The following ALK variants were observed in gnomAD, a reference collection of about 807,000 sequenced individuals.
ALK encodes ALK receptor tyrosine kinase, also known as ALK tyrosine kinase receptor.
Under a neutral mutation model 163.1 loss-of-function variants are expected in ALK, and 74 were observed. That is an observed-to-expected ratio of 0.45 (90% CI 0.38 to 0.55). ALK has a LOEUF of 0.55. Ranked by LOEUF, ALK falls within the 20% of genes least tolerant of loss-of-function variation. The pLI is 0.00. For missense variants in ALK, 2,063 were observed against 2,105.3 expected (o/e 0.98, Z 0.39); for synonymous variants, 960 against 843.2 (o/e 1.14, Z -2.40).
intron 3 of ALK, among the ~76,000 whole-genome samples, chr2:29,589,596 G>GA (rs770719164): frequency 2.6e-4 from 40 of 152,186 alleles, no homozygotes; most frequent in Admixed American, 1.8e-3. Flanking sequence ...CACACTCAGA[G>GA]AAACCTCAAA....
chr2:29,724,050 A>G (rs1474939250), intron 1 of ALK, among the ~76,000 whole-genome samples: 1 of 152,234 alleles, frequency 6.6e-6, no homozygotes, highest in African/African-American at 2.4e-5. Flanking sequence ...GCCAATGAAC[A>G]TAATATAATA....
intron 4 of ALK, among the ~76,000 whole-genome samples, chr2:29,513,169 C>A (rs1672570290): frequency 6.8e-6 from 1 of 148,016 alleles, no homozygotes; most frequent in African/African-American, 2.6e-5. Context: ...CATACGGAAC[C>A]AAAAAAGAGC....
At chr2:29,882,228 C>A (rs901234693) in intron 1 of ALK, among the ~76,000 whole-genome samples, 3 of 152,118 alleles carry the variant, frequency 2.0e-5, no homozygotes, top group African/African-American at 4.8e-5. Flanking sequence ...GACTGTCAGA[C>A]CGGAAAGTTT....
At chr2:29,851,553 T>G (rs1177399921) in intron 1 of ALK, among the ~76,000 whole-genome samples, 1 of 152,154 alleles carries the variant, frequency 6.6e-6, no homozygotes, top group Non-Finnish European at 1.5e-5. Flanking sequence ...TTCTCAAGCT[T>G]AGGTAGGAAT....
chr2:29,293,868 G>A (rs1558656961), intron 9 of ALK, among the ~76,000 whole-genome samples: 1 of 61,738 alleles, frequency 1.6e-5, no homozygotes, highest in African/African-American at 4.4e-5. Flanking sequence ...CTAGAGCCTG[G>A]AGTCTCTTAA....
Position 29,222,593 on chromosome 2 carries a change from C to T in ALK, c.3374G>A (p.Gly1125Asp), listed in dbSNP as rs1192506385. Reference protein sequence around the residue: ...NITLIRGLGHGAFGEVYEGQV... With the variant: ...NITLIRGLGHDAFGEVYEGQV... ...GCCTTCATACACCTCCCCAAAGGCG[C>T]CATGGCCCAGACCCCTGTGCAAAGG... is the stretch of plus-strand genomic sequence containing the variant. Residue 1125 changes from glycine (G) to aspartate (D), a missense_variant, in exon 21 of 29, where the codon GGC becomes GAC. Gly to Asp is a moderately conservative substitution (Grantham distance 94). Coordinates refer to ENST00000389048, the MANE Select transcript of ALK (RefSeq NM_004304.5). The T allele has an allele frequency of 1.2e-6, 2 of 1,613,866 alleles. No homozygotes were observed. Among genetic ancestry groups the T allele is most frequent in the Non-Finnish European group, 1.7e-6 (2 of 1,179,948 alleles).
chr2:29,528,416 G>C (rs1168255474), intron 4 of ALK, among the ~76,000 whole-genome samples: 1 of 152,218 alleles, frequency 6.6e-6, no homozygotes. Flanking sequence ...GTGGTGCAGT[G>C]GGTGGCTCCC....
chr2:29,485,077 T>C (rs1190989328), intron 4 of ALK, among the ~76,000 whole-genome samples: 1 of 152,352 alleles, frequency 6.6e-6, no homozygotes, highest in East Asian at 1.9e-4. Context: ...TCTGCCCTTC[T>C]TCGGTTCCAG....
At chr2:29,720,104 C>T (rs975448134) in intron 1 of ALK, among the ~76,000 whole-genome samples, 3 of 151,860 alleles carry the variant, frequency 2.0e-5, no homozygotes, top group East Asian at 1.9e-4. Context: ...TGTGAGGAAC[C>T]AAGCAGATGG....
rs574484564 is a variant in ALK, at chr2:29,747,156, A to G, written c.668-29459T>C. On this transcript the variant is annotated intron_variant, in intron 1 of 28. Transcript: ENST00000389048. ...CTGATGGAAAAGCCCTCCTCAATTA[A>G]AACTCCAGCTTGACCTCTCTCAAAC... Among the ~76,000 whole-genome samples, 754 of 152,302 alleles carry G rather than the reference A, an allele frequency of 5.0e-3. 3 individuals are homozygous for G. The highest frequency in any genetic ancestry group is 0.021 in the Middle Eastern group (6 of 292).
chr2:29,484,026 A>G (rs552726345), intron 4 of ALK, among the ~76,000 whole-genome samples: 26 of 152,284 alleles, frequency 1.7e-4, no homozygotes, highest in African/African-American at 5.5e-4. Flanking sequence ...TGCAGGGGGA[A>G]CTGCACTTTA....
At chr2:29,746,908 G>A (rs773111833) in intron 1 of ALK, among the ~76,000 whole-genome samples, 1 of 152,210 alleles carries the variant, frequency 6.6e-6, no homozygotes, top group South Asian at 2.1e-4. Flanking sequence ...AATAAGCCAT[G>A]AGGATGTTAT....
chr2:29,891,545 G>A (rs1667146232), intron 1 of ALK, among the ~76,000 whole-genome samples: 3 of 152,188 alleles, frequency 2.0e-5, no homozygotes, highest in Admixed American at 2.0e-4. Flanking sequence ...AATGGCCTTA[G>A]AGATCACTCT....
At chr2:29,495,842 T>C (rs1267452294) in intron 4 of ALK, among the ~76,000 whole-genome samples, 1 of 152,236 alleles carries the variant, frequency 6.6e-6, no homozygotes, top group East Asian at 1.9e-4. Flanking sequence ...GGTTTCAGTG[T>C]AATTAATTAT....
chr2:29,700,664 A>T (rs1678707710), intron 2 of ALK, among the ~76,000 whole-genome samples: 1 of 152,156 alleles, frequency 6.6e-6, no homozygotes, highest in African/African-American at 2.4e-5. Context: ...TTATCATCTG[A>T]TACTCACTTC....
At chr2:29,489,408 GC>G (rs1308804478) in intron 4 of ALK, among the ~76,000 whole-genome samples, 1 of 151,990 alleles carries the variant, frequency 6.6e-6, no homozygotes, top group Non-Finnish European at 1.5e-5. Flanking sequence ...CAAGCAATCT[GC>G]CCACCTCAAA....
At chr2:29,346,790 C>A (rs760784269) in intron 5 of ALK, among the ~76,000 whole-genome samples, 185 of 152,164 alleles carry the variant, frequency 1.2e-3, no homozygotes, top group Non-Finnish European at 2.0e-3. Flanking sequence ...AACCAGGAAG[C>A]AATTCCTGGG....
chr2:29,892,582 G>A lies in ALK; in HGVS notation c.667+27411C>T, dbSNP rs115547431. On this transcript the variant is annotated intron_variant, in intron 1 of 28. Coordinates refer to ENST00000389048, the MANE Select transcript of ALK (RefSeq NM_004304.5). The stretch of plus-strand genomic sequence containing the variant: ...TCAGCCCATTGGACCCTCACAATGA[G>A]CAATTATTAAGGTATTACTGTCCCT... Among the ~76,000 whole-genome samples the A allele has an allele frequency of 1.7e-3, 255 of 152,246 alleles. 1 individual carries two copies. The highest frequency in any genetic ancestry group is 6.8e-3 in the Middle Eastern group (2 of 294).
At chr2:29,393,809 G>A (rs1669238610) in intron 4 of ALK, among the ~76,000 whole-genome samples, 1 of 152,156 alleles carries the variant, frequency 6.6e-6, no homozygotes, top group African/African-American at 2.4e-5. Flanking sequence ...TCATTAAGTG[G>A]ATGAAATAGG....
Sources: gnomAD v4.1 joint callset for allele counts (sites outside exome capture counted in the v4.1 genomes callset) on GRCh38, gnomAD v4.1.1 for gene constraint, MANE v1.5 for transcripts, NCBI Gene and HGNC (gene_info 2026-07-23, HGNC 2026-07-21) for gene names.